The following MPI variants were observed in gnomAD, a reference collection of about 807,000 sequenced individuals.
MPI encodes mannose-6-phosphate isomerase.
MPI carries 33 observed loss-of-function variants against 40.1 expected under a neutral mutation model. The observed-to-expected ratio is 0.82, with a 90% CI of 0.62 to 1.10. MPI has a LOEUF of 1.10. Among genes scored for constraint, MPI ranks in the 50% least tolerant of loss-of-function variants. The probability of loss-of-function intolerance (pLI) is 0.00; values close to 1 mark genes in which losing one functional copy is unlikely to be tolerated. For synonymous variants in MPI, 187 were observed against 207.4 expected, an observed-to-expected ratio of 0.90 and a Z score of 0.85; for missense variants, 514 against 524.1, an observed-to-expected ratio of 0.98 and a Z score of 0.19.
In MPI at chr15:74,897,230, G is replaced by A. The variant is rs1461970352; in HGVS notation, c.1053+11G>A. 2 of 1,612,338 alleles carry A rather than the reference G, an allele frequency of 1.2e-6. No individual in the cohort carries two copies. Among genetic ancestry groups the A allele is most frequent in the African/African-American group, 1.3e-5 (1 of 74,872 alleles). ...ATTATGAAGACGGAGGTGAGTGAGG[G>A]GCTATGATGGGTGTCCTTCGTGTGC... On this transcript the variant is annotated intron_variant, in intron 7 of 7. Coordinates refer to ENST00000352410, the MANE Select transcript of MPI (RefSeq NM_002435.3).
chr15:74,895,992 G>A lies in MPI; in HGVS notation c.671-160G>A, dbSNP rs571009969. ...TGGACTGGAGTATCAAGCAAGGCTC[G>A]ACCCCCAAAGGGCTGGAGGCGTGGC... is the stretch of plus-strand genomic sequence containing the variant. On this transcript the variant is annotated intron_variant, in intron 5 of 7. Coordinates refer to ENST00000352410, the MANE Select transcript of MPI (RefSeq NM_002435.3). 4.3e-5 allele frequency: 31 copies of A among 721,748 alleles called. No homozygotes were observed. In the African/African-American group the frequency reaches 4.4e-4, roughly 10 times the overall value. The allele number at this position is 721,748 out of a possible 1,614,324, so 44.7% of individuals were successfully genotyped here.
intron 2 of MPI, chr15:74,891,176 G>A (rs1596441807): frequency 1.6e-6 from 1 of 637,174 alleles, no homozygotes; most frequent in East Asian, 2.8e-5. Context: ...TTCATAGATG[G>A]CTAGAGGCCG....
In MPI at chr15:74,890,500, G is replaced by C. The variant is rs202036961; in HGVS notation, c.17-27G>C. ...TAGGGTGGGGCCTGAGGAGTGGAGT[G>C]GCAGCTGACCCTGTCTGTGCCCCTA... On this transcript the variant is annotated intron_variant, in intron 1 of 7. Transcript: ENST00000352410. The C allele has an allele frequency of 3.8e-4, 614 of 1,613,606 alleles. 1 individual carries two copies. Among genetic ancestry groups the C allele is most frequent in the Middle Eastern group, 1.2e-3 (7 of 5,922 alleles).
rs768186349 is a variant in MPI at position 74,896,153 on chromosome 15, G to A, written c.672G>A (p.Ala224=). The A allele has an allele frequency of 6.8e-6, 11 of 1,613,986 alleles. No individual in the cohort carries two copies. The highest frequency in any genetic ancestry group is 1.7e-4 in the Middle Eastern group (1 of 6,030). Residue 224 remains alanine, a splice_region_variant and synonymous_variant, in exon 6 of 8, where the codon GCG becomes GCA. Transcript: ENST00000352410. The part of the protein sequence containing the change: ...NLLVKRISQQ[A]AAGNNMEDIF... ...CTTGGGGTGCTCTGTGACCCTCAGC[G>A]GCTGCCGGAAACAACATGGAGGACA... is the stretch of plus-strand genomic sequence containing the variant.
At chr15:74,897,364 AC>A in intron 7 of MPI, 145 bp downstream of exon 7, 1 of 1,287,950 alleles carries the variant, frequency 7.8e-7, no homozygotes, top group Non-Finnish European at 1.1e-6. Context: ...TCCTTCCTGT[AC>A]CAGGGACCAG....
intron 5 of MPI, 155 bp from the exon 6 acceptor site, chr15:74,895,997 C>A: frequency 1.3e-6 from 1 of 765,720 alleles, no homozygotes. Flanking sequence ...GGCTCGACCC[C>A]CAAAGGGCTG....
rs760722318 is a variant in MPI, at chr15:74,897,471, A to G, written c.1054-41A>G. 11 of 1,588,806 alleles carry G rather than the reference A, an allele frequency of 6.9e-6. No individual in the cohort carries two copies. The South Asian group carries it at 1.0e-4, about 14-fold the overall frequency. ...CCTGGGCCCATGAGCTGATGAGAGC[A>G]GAGTCTGAGCTGCACTGCCTTATCA... On this transcript the variant is annotated intron_variant, in intron 7 of 7. Coordinates refer to ENST00000352410, the MANE Select transcript of MPI (RefSeq NM_002435.3).
rs559036050 is a variant in MPI at position 74,895,793 on chromosome 15, C to A, written c.671-359C>A. The A allele has an allele frequency of 1.7e-5, 4 of 232,478 alleles. No individual in the cohort carries two copies. The East Asian group carries it at 4.0e-4, about 23-fold the overall frequency. The allele number at this position is 232,478 out of a possible 1,614,324, so 14.4% of individuals were successfully genotyped here. On this transcript the variant is annotated intron_variant, in intron 5 of 7. Coordinates refer to ENST00000352410, the MANE Select transcript of MPI (RefSeq NM_002435.3). ...TGGGTGGAGGCCAGGGAAGCTGCTA[C>A]ACATCCATCAGTACACAGGACAGCC... is the stretch of plus-strand genomic sequence containing the variant.
rs767654372 is a variant in MPI, at chr15:74,897,492, TATC to T, written c.1054-17_1054-15del. 6.2e-6 allele frequency: 10 copies of T among 1,611,644 alleles called. No individual in the cohort carries two copies. The South Asian group carries it at 6.6e-5, about 11-fold the overall frequency. ...GAGCAGAGTCTGAGCTGCACTGCCT[TATC>T]ATTTCTTCCTGCCCAGGTCCCTGGC... On this transcript the variant is annotated splice_polypyrimidine_tract_variant and intron_variant, in intron 7 of 7. Coordinates refer to ENST00000352410, the MANE Select transcript of MPI (RefSeq NM_002435.3).
chr15:74,895,100 G>A (rs2141204740), intron 5 of MPI, among the ~76,000 whole-genome samples: 1 of 149,776 alleles, frequency 6.7e-6, no homozygotes, highest in Admixed American at 6.6e-5. Context: ...CGAGTAGCTG[G>A]GATTACAGGC....
intron 5 of MPI, 94 bp from the exon 6 acceptor site, chr15:74,896,058 A>T: frequency 1.3e-6 from 2 of 1,482,436 alleles, no homozygotes; most frequent in Non-Finnish European, 1.9e-6. Context: ...TTCCTGTGGC[A>T]GGGACCTTTT....
At chr15:74,894,038 C>CT (rs2064767365) in intron 5 of MPI, among the ~76,000 whole-genome samples, 4 of 66,764 alleles carry the variant, frequency 6.0e-5, no homozygotes, top group Non-Finnish European at 1.9e-4. Context: ...TTTTTCTGTT[C>CT]AGTGTGTGTG....
intron 1 of MPI, 128 bp from the exon 2 acceptor site, chr15:74,890,399 C>G: frequency 7.8e-7 from 1 of 1,274,580 alleles, no homozygotes. Flanking sequence ...GGGGTCTCAT[C>G]CAACAGCCTA....
chr15:74,893,538 C>A, intron 5 of MPI: 1 of 654,934 alleles, frequency 1.5e-6, no homozygotes, highest in South Asian at 1.7e-5. Context: ...TCATCTTCTC[C>A]AGATGGTTGG....
At position 74,891,522 on chromosome 15, in the gene MPI, C is replaced by T. The variant is rs2064726439; in HGVS notation, c.288C>T (p.Phe96=). The change falls in exon 3 of 8, where the codon TTC becomes TTT. Residue 96 remains phenylalanine, a synonymous_variant. Transcript: ENST00000352410. ...ACACCTTTAATGGCAACCTGCCCTTCCTCTTCAAAGTGCTCTCAGTTGAAA... is the reference window on the plus strand; with the variant it reads ...ACACCTTTAATGGCAACCTGCCCTTTCTCTTCAAAGTGCTCTCAGTTGAAA... ...VKDTFNGNLP[F]LFKVLSVETP... is the part of the protein sequence containing the mutation. 3 of 1,614,074 alleles carry T rather than the reference C, an allele frequency of 1.9e-6. No individual in the cohort carries two copies. The South Asian group carries it at 3.3e-5, about 18-fold the overall frequency.
At chr15:74,895,402 G>A (rs1190574147) in intron 5 of MPI, 5 of 151,708 alleles carry the variant, frequency 3.3e-5, no homozygotes, top group Non-Finnish European at 5.9e-5. Flanking sequence ...AGACCAGCCT[G>A]GGCAATATAG....
rs1474243704 is a variant in MPI, at chr15:74,900,471, A to G, written c.*2741A>G. 1.3e-5 allele frequency: 2 copies of G among 152,262 alleles called. No individual in the cohort carries two copies. The highest frequency in any genetic ancestry group is 2.9e-5 in the Non-Finnish European group (2 of 68,140). The allele number at this position is 152,262 out of a possible 1,614,324, so 9.4% of individuals were successfully genotyped here. On this transcript the variant is annotated 3_prime_UTR_variant, in exon 8 of 8. Transcript: ENST00000352410. ...GCCATTCTGCCCTGACCACCTCCCC[A>G]ACAGAGATGTAGGTCTATACTTACC... is the stretch of plus-strand genomic sequence containing the variant.
Position 74,890,042 on chromosome 15 carries a change from A to G in MPI, c.-32A>G, listed in dbSNP as rs766179258. 6.2e-7 allele frequency: 1 copy of G among 1,603,546 alleles called. No individual in the cohort carries two copies. The highest frequency in any genetic ancestry group is 8.5e-7 in the Non-Finnish European group (1 of 1,179,246). ...GGCCGCGGGGGCTGCCGGGAAAGGC[A>G]TACGTGCTTAATCCTGGTGCAGGGG... On this transcript the variant is annotated 5_prime_UTR_variant, in exon 1 of 8. Transcript: ENST00000352410.
At chr15:74,895,590 CAA>C (rs55671836) in intron 5 of MPI, 20 of 146,706 alleles carry the variant, frequency 1.4e-4, no homozygotes, top group Admixed American at 6.6e-4. Flanking sequence ...GACCCCGTCT[CAA>C]AAAAAAAAAA....
Sources: allele counts gnomAD v4.1 joint callset (sites outside exome capture counted in the v4.1 genomes callset), GRCh38; gene constraint gnomAD v4.1.1; transcripts MANE v1.5; gene names NCBI Gene and HGNC (gene_info 2026-07-23, HGNC 2026-07-21).